Variants in COL11A1 observed in about 807,000 individuals in gnomAD.
COL11A1 encodes collagen alpha-1(XI) chain.
In COL11A1, 74 loss-of-function variants were observed where a neutral mutation model predicts 265.2. The ratio of observed to expected loss-of-function variants is 0.28; its 90% CI spans 0.23 to 0.34. COL11A1 has a LOEUF of 0.34. Among genes scored for constraint, COL11A1 ranks in the 10% least tolerant of loss-of-function variants. COL11A1 has a pLI of 1.00. For missense variants in COL11A1, 2,165 were observed against 2,263.6 expected, an observed-to-expected ratio of 0.96 and a Z score of 0.88; for synonymous variants, 816 against 727.6, an observed-to-expected ratio of 1.12 and a Z score of -1.96.
intron 50 of COL11A1, among the ~76,000 whole-genome samples, 196 bp from the exon 51 acceptor site, chr1:102,915,007 C>A (rs184965616): frequency 6.6e-5 from 10 of 152,124 alleles, no homozygotes; most frequent in African/African-American, 2.4e-4. Flanking sequence ...CAGGTTCAAG[C>A]GATTCTCCTG....
intron 4 of COL11A1, among the ~76,000 whole-genome samples, chr1:103,053,805 C>T (rs1670018486): frequency 6.6e-6 from 1 of 152,130 alleles, no homozygotes; most frequent in African/African-American, 2.4e-5. Context: ...AACAAATGCT[C>T]AACTTATTGC....
chr1:102,933,580 G>GAGGC (rs1023596200), intron 46 of COL11A1, among the ~76,000 whole-genome samples: 2 of 152,214 alleles, frequency 1.3e-5, no homozygotes, highest in African/African-American at 2.4e-5. Flanking sequence ...GGAGCCTACA[G>GAGGC]AGGCAGGCAG....
chr1:102,946,632 C>T (rs1659307436), intron 42 of COL11A1, among the ~76,000 whole-genome samples: 1 of 152,052 alleles, frequency 6.6e-6, no homozygotes, highest in Admixed American at 6.6e-5. Context: ...CCAACTCCCT[C>T]ACAGGTATTA....
rs1668801164 is a variant in COL11A1 at position 103,041,443 on chromosome 1, T to C, written c.652-10199A>G. On this transcript the variant is annotated intron_variant, in intron 4 of 66. Coordinates refer to ENST00000370096, the MANE Select transcript of COL11A1 (RefSeq NM_001854.4). ...CCTGTCAGAGAATAAAAATAAATAA[T>C]TGGTAATTGCATTTCTATATATTTA... 2.0e-5 allele frequency among the ~76,000 whole-genome samples: 3 copies of C among 151,748 alleles called. No individual in the cohort carries two copies. In the South Asian group the frequency reaches 6.2e-4, roughly 31 times the overall value.
At chr1:103,023,495 T>C (rs1667268704) in intron 7 of COL11A1, among the ~76,000 whole-genome samples, 1 of 151,860 alleles carries the variant, frequency 6.6e-6, no homozygotes, top group Non-Finnish European at 1.5e-5. Flanking sequence ...GTAGCTAGGA[T>C]TACAGGCATG....
intron 13 of COL11A1, among the ~76,000 whole-genome samples, chr1:103,013,759 A>G (rs377267766): frequency 5.9e-5 from 9 of 151,936 alleles, no homozygotes; most frequent in East Asian, 5.8e-4. Context: ...GTGGGTAACC[A>G]TATCCATACC....
intron 38 of COL11A1, among the ~76,000 whole-genome samples, chr1:102,964,935 C>G (rs1661265495): frequency 6.6e-6 from 1 of 152,044 alleles, no homozygotes; most frequent in African/African-American, 2.4e-5. Flanking sequence ...CTTCTTCTGC[C>G]ACCTATCTTG....
At chr1:102,986,528 G>A (rs1258661083) in intron 30 of COL11A1, among the ~76,000 whole-genome samples, 1 of 152,024 alleles carries the variant, frequency 6.6e-6, no homozygotes, top group African/African-American at 2.4e-5. Flanking sequence ...TAACCTGCAC[G>A]TTGTGCATTA....
intron 4 of COL11A1, among the ~76,000 whole-genome samples, chr1:103,060,098 A>G (rs1441126592): frequency 6.6e-6 from 1 of 152,130 alleles, no homozygotes; most frequent in East Asian, 1.9e-4. Flanking sequence ...TAAAAATATT[A>G]AAAGAACCCA....
intron 4 of COL11A1, among the ~76,000 whole-genome samples, chr1:103,055,139 G>T (rs2102161613): frequency 6.6e-6 from 1 of 152,258 alleles, no homozygotes; most frequent in East Asian, 1.9e-4. Flanking sequence ...TGACTCCAGA[G>T]TCAACATTGT....
At chr1:103,106,107 G>A (rs1307997358) in intron 1 of COL11A1, among the ~76,000 whole-genome samples, 1 of 152,112 alleles carries the variant, frequency 6.6e-6, no homozygotes, top group Non-Finnish European at 1.5e-5. Context: ...CTGTTTAAAA[G>A]TGTTTCAGGT....
intron 3 of COL11A1, among the ~76,000 whole-genome samples, chr1:103,076,698 T>G (rs1029368851): frequency 2.6e-5 from 4 of 152,122 alleles, no homozygotes; most frequent in Non-Finnish European, 5.9e-5. Flanking sequence ...CATATTAAAC[T>G]GTCCTATCTA....
chr1:103,011,707 T>C (rs1666144481), intron 14 of COL11A1, among the ~76,000 whole-genome samples: 1 of 152,002 alleles, frequency 6.6e-6, no homozygotes, highest in African/African-American at 2.4e-5. Context: ...AGAAAAAATT[T>C]ATACAAAAAA....
Position 102,987,644 on chromosome 1 carries a change from C to T in COL11A1, c.2491G>A (p.Ala831Thr). 6.2e-7 allele frequency: 1 copy of T among 1,613,298 alleles called. No homozygotes were observed. ...AGTCATTTACCAACCTTTTCTCCTG[C>T]TTGACCTGAAGGACCTGGGTCTCCA... The part of the protein sequence containing the change: ...PTGDPGPSGQ[A>T]GEKGKLGVPG... Residue 831 changes from alanine (A) to threonine (T), a missense_variant, in exon 30 of 67, where the codon GCA becomes ACA. By Grantham distance (58) the Ala-to-Thr change is moderately conservative. Coordinates refer to ENST00000370096, the MANE Select transcript of COL11A1 (RefSeq NM_001854.4).
intron 4 of COL11A1, among the ~76,000 whole-genome samples, chr1:103,050,389 G>A (rs958009691): frequency 9.9e-5 from 15 of 151,938 alleles, no homozygotes; most frequent in African/African-American, 2.7e-4. Flanking sequence ...CCAGTTGATC[G>A]CATCGGCTAC....
chr1:103,073,388 C>CT (rs1317114985), intron 4 of COL11A1, among the ~76,000 whole-genome samples: 3 of 151,562 alleles, frequency 2.0e-5, no homozygotes, highest in Non-Finnish European at 4.4e-5. Flanking sequence ...TAAAATAATG[C>CT]TTTTCAAGAT....
intron 42 of COL11A1, among the ~76,000 whole-genome samples, chr1:102,942,547 T>C (rs1658834796): frequency 8.2e-6 from 1 of 122,624 alleles, no homozygotes. Context: ...ATTTCACCAC[T>C]TCTAACATTC....
At chr1:102,993,045 C>A (rs1273808668) in intron 28 of COL11A1, among the ~76,000 whole-genome samples, 2 of 152,118 alleles carry the variant, frequency 1.3e-5, no homozygotes, top group East Asian at 3.9e-4. Flanking sequence ...TGTCACTTTA[C>A]AACTCTCCTA....
At chr1:103,048,435 G>C (rs1421101573) in intron 4 of COL11A1, among the ~76,000 whole-genome samples, 3 of 152,016 alleles carry the variant, frequency 2.0e-5, no homozygotes, top group Admixed American at 2.0e-4. Context: ...TATTTCTGTG[G>C]GATCGGTGGT....
Sources: allele counts gnomAD v4.1 joint callset (sites outside exome capture counted in the v4.1 genomes callset), GRCh38; gene constraint gnomAD v4.1.1; transcripts MANE v1.5; gene names NCBI Gene and HGNC (gene_info 2026-07-23, HGNC 2026-07-21).